The following KIAA1328 variants were observed in gnomAD, a reference collection of about 807,000 sequenced individuals.
KIAA1328 encodes the protein KIAA1328, also known as protein hinderin.
In KIAA1328, 52 loss-of-function variants were observed where a neutral mutation model predicts 68.1. The ratio of observed to expected loss-of-function variants is 0.76; its 90% confidence interval spans 0.61 to 0.96. The LOEUF is 0.96. KIAA1328 is among the 40% of genes least tolerant of loss of function. KIAA1328 has a pLI of 0.00. For synonymous variants in KIAA1328, 232 were observed against 239.4 expected (o/e 0.97, Z 0.28); for missense variants, 641 against 677.6 (o/e 0.95, Z 0.60).
intron 7 of KIAA1328, among the ~76,000 whole-genome samples, chr18:37,103,199 A>G (rs1440637427): frequency 6.6e-6 from 1 of 152,218 alleles, no homozygotes; most frequent in African/African-American, 2.4e-5. Context: ...AAAAGATCCC[A>G]AATAGCAAAA....
chr18:37,145,732 G>A (rs775573723), intron 7 of KIAA1328, among the ~76,000 whole-genome samples: 1 of 151,960 alleles, frequency 6.6e-6, no homozygotes, highest in Admixed American at 6.6e-5. Context: ...TAACACTCTT[G>A]CTTAATATTT....
At chr18:36,991,950 C>T (rs1229026024) in intron 6 of KIAA1328, among the ~76,000 whole-genome samples, 3 of 152,112 alleles carry the variant, frequency 2.0e-5, no homozygotes, top group Non-Finnish European at 4.4e-5. Flanking sequence ...TGTTCGGGGG[C>T]CACCACCATA....
intron 8 of KIAA1328, among the ~76,000 whole-genome samples, chr18:37,163,535 C>G (rs1467597881): frequency 5.3e-5 from 8 of 152,128 alleles, no homozygotes; most frequent in African/African-American, 1.9e-4. Flanking sequence ...GTTGAGGTCC[C>G]CTAGTAACTC....
At chr18:37,229,366 G>A (rs1014714352), downstream of KIAA1328, among the ~76,000 whole-genome samples, 4 of 152,152 alleles carry the variant, frequency 2.6e-5, no homozygotes, top group African/African-American at 9.7e-5. Context: ...ATTCTTGTAA[G>A]CTACATCATA....
chr18:36,931,369 C>A (rs1210702933), intron 5 of KIAA1328, among the ~76,000 whole-genome samples: 1 of 151,948 alleles, frequency 6.6e-6, no homozygotes, highest in Non-Finnish European at 1.5e-5. Flanking sequence ...GGAGTGCAAA[C>A]CCTATTGTGA....
At chr18:36,893,248 C>T (rs1005960813) in intron 5 of KIAA1328, among the ~76,000 whole-genome samples, 1 of 152,042 alleles carries the variant, frequency 6.6e-6, no homozygotes, top group Admixed American at 6.6e-5. Flanking sequence ...TACTTTCTCT[C>T]TCTTTTTCTC....
intron 9 of KIAA1328, among the ~76,000 whole-genome samples, chr18:37,184,987 C>T (rs1187302453): frequency 1.3e-5 from 2 of 151,714 alleles, no homozygotes; most frequent in Non-Finnish European, 2.9e-5. Flanking sequence ...CACGGTGAAA[C>T]CTCATCTCTA....
At chr18:37,165,045 C>T (rs530531591) in intron 8 of KIAA1328, among the ~76,000 whole-genome samples, 1 of 152,220 alleles carries the variant, frequency 6.6e-6, no homozygotes, top group East Asian at 1.9e-4. Flanking sequence ...CTCACATGGC[C>T]TCTTCTGTGC....
chr18:36,959,837 T>C (rs1273706110), intron 6 of KIAA1328, among the ~76,000 whole-genome samples: 4 of 152,244 alleles, frequency 2.6e-5, no homozygotes, highest in African/African-American at 9.7e-5. Context: ...TGTGGACTTA[T>C]AAAAACTTTA....
chr18:36,944,574 G>A (rs1211932998), intron 5 of KIAA1328, among the ~76,000 whole-genome samples: 1 of 146,100 alleles, frequency 6.8e-6, no homozygotes, highest in Non-Finnish European at 1.5e-5. Flanking sequence ...GTGAGACTCT[G>A]TCTCAAAAAA....
chr18:36,991,019 C>A (rs981235067), intron 6 of KIAA1328, among the ~76,000 whole-genome samples: 2 of 152,066 alleles, frequency 1.3e-5, no homozygotes, highest in Non-Finnish European at 2.9e-5. Context: ...GCTCATCATT[C>A]TTGTCTGTTC....
At chr18:36,990,780 T>C (rs1402899961) in intron 6 of KIAA1328, among the ~76,000 whole-genome samples, 2 of 152,092 alleles carry the variant, frequency 1.3e-5, no homozygotes, top group Non-Finnish European at 2.9e-5. Context: ...TGTGTTTCTG[T>C]TTGTTAAATT....
chr18:37,056,855 C>T (rs890639415), intron 6 of KIAA1328, among the ~76,000 whole-genome samples: 18 of 152,098 alleles, frequency 1.2e-4, no homozygotes, highest in Non-Finnish European at 4.4e-5. Context: ...GTTGGCCAGG[C>T]TGGTCTCAAA....
intron 5 of KIAA1328, among the ~76,000 whole-genome samples, chr18:36,939,360 A>T (rs2151178654): frequency 6.6e-6 from 1 of 152,028 alleles, no homozygotes; most frequent in East Asian, 1.9e-4. Flanking sequence ...TGCTATTGTG[A>T]ATAAGACTGG....
At chr18:37,170,600 C>T (rs1213848674) in intron 8 of KIAA1328, among the ~76,000 whole-genome samples, 2 of 152,182 alleles carry the variant, frequency 1.3e-5, no homozygotes, top group Non-Finnish European at 2.9e-5. Flanking sequence ...AATCCTACCT[C>T]CTGCATCAAA....
intron 6 of KIAA1328, among the ~76,000 whole-genome samples, chr18:37,013,736 A>G (rs8099118): frequency 0.14 from 20,704 of 152,134 alleles, 1,755 homozygotes; most frequent in Admixed American, 0.18. Flanking sequence ...TTCTTTATCT[A>G]ATTCACTATT....
At chr18:37,165,121 AC>A (rs1414014146) in intron 8 of KIAA1328, among the ~76,000 whole-genome samples, 3 of 151,940 alleles carry the variant, frequency 2.0e-5, no homozygotes, top group Non-Finnish European at 4.4e-5. Context: ...CACCCCTATG[AC>A]CTCATCCAAC....
chr18:37,024,909 G>C (rs750872883), intron 6 of KIAA1328, among the ~76,000 whole-genome samples: 1 of 152,018 alleles, frequency 6.6e-6, no homozygotes, highest in African/African-American at 2.4e-5. Flanking sequence ...GTGATGGCTG[G>C]GTCAAATGGT....
chr18:37,161,566 A>G (rs1432932546), intron 8 of KIAA1328, among the ~76,000 whole-genome samples: 1 of 152,228 alleles, frequency 6.6e-6, no homozygotes, highest in African/African-American at 2.4e-5. Flanking sequence ...TTCCAAAAAT[A>G]AAAATTAAAT....
Sources: gnomAD v4.1 joint callset for allele counts (sites outside exome capture counted in the v4.1 genomes callset) on GRCh38, gnomAD v4.1.1 for gene constraint, MANE v1.5 for transcripts, NCBI Gene and HGNC (gene_info 2026-07-23, HGNC 2026-07-21) for gene names.